Variants in RBMS1 observed in about 807,000 individuals in gnomAD.
The protein encoded by RBMS1 is RNA binding motif single stranded interacting protein 1.
A neutral mutation model predicts 62.3 loss-of-function variants in RBMS1; 17 were observed. That is an observed-to-expected ratio of 0.27 (90% CI 0.19 to 0.41). The LOEUF is 0.41. Among genes scored for constraint, RBMS1 ranks in the 10% least tolerant of loss-of-function variants. The pLI is 1.00. For missense variants in RBMS1, 334 were observed against 504.5 expected, an observed-to-expected ratio of 0.66 and a Z score of 3.24; for synonymous variants, 172 against 170.0, an observed-to-expected ratio of 1.01 and a Z score of -0.09.
intron 1 of RBMS1, among the ~76,000 whole-genome samples, chr2:160,397,852 C>T (rs574643242): frequency 4.6e-5 from 7 of 152,306 alleles, no homozygotes; most frequent in South Asian, 2.1e-4. Context: ...TTCTCCTTGG[C>T]TTCTGTGACA....
At chr2:160,465,844 CCA>C (rs34253924) in intron 1 of RBMS1, among the ~76,000 whole-genome samples, 103 of 109,832 alleles carry the variant, frequency 9.4e-4, no homozygotes, top group African/African-American at 2.5e-3. Flanking sequence ...CCTCCCCACA[CCA>C]CACACACACA....
At chr2:160,312,246 C>A (rs1026819840) in intron 4 of RBMS1, among the ~76,000 whole-genome samples, 3 of 150,672 alleles carry the variant, frequency 2.0e-5, no homozygotes, top group Middle Eastern at 6.8e-3. Flanking sequence ...GCATCTTAAA[C>A]TAACTTTCAG....
At chr2:160,387,907 TG>T (rs955599916) in intron 1 of RBMS1, among the ~76,000 whole-genome samples, 12 of 152,288 alleles carry the variant, frequency 7.9e-5, no homozygotes, top group African/African-American at 2.9e-4. Context: ...GGTTTATGCC[TG>T]GCCCTGGCAT....
chr2:160,439,136 G>A (rs1157004543), intron 1 of RBMS1, among the ~76,000 whole-genome samples: 3 of 146,628 alleles, frequency 2.0e-5, no homozygotes, highest in Non-Finnish European at 3.0e-5. Flanking sequence ...GGCTGGCCGG[G>A]CGGGGGGCTG....
intron 1 of RBMS1, among the ~76,000 whole-genome samples, chr2:160,405,533 T>A (rs1289245230): frequency 6.6e-6 from 1 of 152,216 alleles, no homozygotes; most frequent in East Asian, 1.9e-4. Context: ...AGTGAATGGC[T>A]AAATACTAAC....
At chr2:160,408,038 C>T in intron 1 of RBMS1, 1 of 621,812 alleles carries the variant, frequency 1.6e-6, no homozygotes, top group Non-Finnish European at 2.0e-6. Context: ...CCGCGCTCTC[C>T]CTCCCGGGAT....
intron 2 of RBMS1, 183 bp downstream of exon 2, chr2:160,367,033 T>C (rs1222229340): frequency 4.4e-6 from 2 of 450,776 alleles, no homozygotes; most frequent in African/African-American, 4.0e-5. Context: ...GCCAGTCTGA[T>C]GATGTTAATA....
chr2:160,314,221 A>G (rs913735175), intron 3 of RBMS1, among the ~76,000 whole-genome samples: 1 of 152,212 alleles, frequency 6.6e-6, no homozygotes, highest in Non-Finnish European at 1.5e-5. Context: ...GTATCACCGT[A>G]TCAAAATAGA....
At chr2:160,402,593 A>T (rs761182699) in intron 1 of RBMS1, among the ~76,000 whole-genome samples, 5 of 152,202 alleles carry the variant, frequency 3.3e-5, no homozygotes, top group African/African-American at 4.8e-5. Context: ...AACAAACAAA[A>T]AAACACTAAT....
At chr2:160,355,771 C>A (rs1357624781) in intron 2 of RBMS1, among the ~76,000 whole-genome samples, 1 of 152,072 alleles carries the variant, frequency 6.6e-6, no homozygotes, top group African/African-American at 2.4e-5. Context: ...CCCCCCATCA[C>A]ATGCAATCAC....
At chr2:160,448,482 G>T (rs1039868087) in intron 1 of RBMS1, among the ~76,000 whole-genome samples, 1 of 152,246 alleles carries the variant, frequency 6.6e-6, no homozygotes, top group Non-Finnish European at 1.5e-5. Context: ...TTTTGATGGA[G>T]ACGGGGTTTC....
chr2:160,431,404 G>A (rs148337930), intron 1 of RBMS1, among the ~76,000 whole-genome samples: 141 of 151,864 alleles, frequency 9.3e-4, no homozygotes, highest in African/African-American at 2.5e-3. Flanking sequence ...CTACTTCCTC[G>A]TTTCCCACAG....
At chr2:160,396,173 G>A (rs538422146) in intron 1 of RBMS1, among the ~76,000 whole-genome samples, 38 of 152,256 alleles carry the variant, frequency 2.5e-4, no homozygotes, top group African/African-American at 8.9e-4. Context: ...AGCAACCTGT[G>A]TTTTGAAATG....
At chr2:160,448,560 T>C (rs1683778717) in intron 1 of RBMS1, among the ~76,000 whole-genome samples, 1 of 152,232 alleles carries the variant, frequency 6.6e-6, no homozygotes, top group African/African-American at 2.4e-5. Flanking sequence ...CCTCCCGAGG[T>C]GCCAGGATTG....
intron 1 of RBMS1, among the ~76,000 whole-genome samples, chr2:160,484,426 C>T (rs1434056440): frequency 6.6e-6 from 1 of 150,470 alleles, no homozygotes; most frequent in Non-Finnish European, 1.5e-5. Context: ...ACCCGGGAGG[C>T]GGAGCTTGCA....
intron 1 of RBMS1, among the ~76,000 whole-genome samples, chr2:160,372,912 A>G (rs1553516600): frequency 6.6e-6 from 1 of 152,198 alleles, no homozygotes; most frequent in Non-Finnish European, 1.5e-5. Flanking sequence ...ATTAATGAAG[A>G]GTAAGGCCCC....
intron 1 of RBMS1, among the ~76,000 whole-genome samples, chr2:160,401,811 A>C (rs1414779253): frequency 6.6e-6 from 1 of 152,226 alleles, no homozygotes; most frequent in Non-Finnish European, 1.5e-5. Context: ...GAAAGGATTG[A>C]AAGTCTTCCC....
chr2:160,399,509 C>T (rs553406998), intron 1 of RBMS1, among the ~76,000 whole-genome samples: 1 of 135,428 alleles, frequency 7.4e-6, no homozygotes, highest in Admixed American at 8.1e-5. Context: ...GTTTACTTCG[C>T]AAAGATTCCT....
At chr2:160,342,728 C>T (rs566880467) in intron 2 of RBMS1, among the ~76,000 whole-genome samples, 1 of 144,004 alleles carries the variant, frequency 6.9e-6, no homozygotes, top group East Asian at 2.1e-4. Flanking sequence ...ACCAGACTGG[C>T]TAACATGGTG....
Sources: allele counts gnomAD v4.1 joint callset (sites outside exome capture counted in the v4.1 genomes callset), GRCh38; gene constraint gnomAD v4.1.1; transcripts MANE v1.5; gene names NCBI Gene and HGNC (gene_info 2026-07-23, HGNC 2026-07-21).